Variants in TEX11 observed in about 807,000 individuals in gnomAD.
TEX11 encodes testis-expressed protein 11.
Under a neutral mutation model 84.4 loss-of-function variants are expected in TEX11, and 7 were observed. That is an observed-to-expected ratio of 0.08 (90% CI 0.05 to 0.16). The LOEUF (loss-of-function observed/expected upper bound fraction) is 0.16, where lower values mean the gene tolerates loss of function less well. Among genes scored for constraint, TEX11 ranks in the 10% least tolerant of loss-of-function variants. The pLI is 1.00. For missense variants in TEX11, 551 were observed against 660.5 expected, an observed-to-expected ratio of 0.83 and a Z score of 1.82; for synonymous variants, 264 against 222.8, an observed-to-expected ratio of 1.18 and a Z score of -1.64.
intron 11 of TEX11, among the ~76,000 whole-genome samples, chrX:70,733,642 A>T (rs1327146782): frequency 8.9e-6 from 1 of 111,980 alleles, no homozygotes; most frequent in Non-Finnish European, 1.9e-5. Flanking sequence ...ATCATTAAAA[A>T]GTCAGGAAAC....
chrX:70,723,056 C>T (rs1310224404), intron 12 of TEX11, among the ~76,000 whole-genome samples: 1 of 111,706 alleles, frequency 9.0e-6, no homozygotes, highest in Non-Finnish European at 1.9e-5. Context: ...CTCTCTATAC[C>T]TTAGTTTTGT....
At position 70,623,964 on chromosome X, in the gene TEX11, C is replaced by A. The variant is rs1169045883; in HGVS notation, c.1737G>T (p.Pro579=). The change falls in exon 20 of 30, where the codon CCG becomes CCT. Residue 579 remains proline, a synonymous_variant. Transcript: ENST00000374333. ...RFLLPKIAEM[P]ESEDKKKEMD... Reference sequence around the variant, plus strand: ...AAATAACTCACTTATCTTCAGATTCCGGCATTTCAGCAATTTTTGGAAGAA... The same window carrying A: ...AAATAACTCACTTATCTTCAGATTCAGGCATTTCAGCAATTTTTGGAAGAA... The A allele has an allele frequency of 1.7e-6, 2 of 1,202,996 alleles. No individual in the cohort carries two copies. The highest frequency in any genetic ancestry group is 2.2e-6 in the Non-Finnish European group (2 of 890,751).
At chrX:70,528,054 C>T (rs777167611), downstream of TEX11, among the ~76,000 whole-genome samples, 6 of 111,739 alleles carry the variant, frequency 5.4e-5, no homozygotes, top group African/African-American at 1.9e-4. Flanking sequence ...GAACATGGGG[C>T]TTGGCTTTTG....
intron 9 of TEX11, among the ~76,000 whole-genome samples, chrX:70,745,306 G>C (rs1020828233): frequency 1.8e-5 from 2 of 110,286 alleles, no homozygotes; most frequent in African/African-American, 6.6e-5. Flanking sequence ...TAGTTTCAAG[G>C]TTTCAAAACC....
intron 17 of TEX11, among the ~76,000 whole-genome samples, chrX:70,632,444 C>G (rs1156559008): frequency 9.0e-6 from 1 of 111,038 alleles, no homozygotes; most frequent in East Asian, 2.8e-4. Context: ...CCTATCTCTA[C>G]AAAAAAGTTT....
chrX:70,891,027 T>A (rs2091735310), intron 2 of TEX11, among the ~76,000 whole-genome samples: 1 of 111,796 alleles, frequency 8.9e-6, no homozygotes, highest in African/African-American at 3.2e-5. Context: ...AAGGCAGCAA[T>A]ATTTGCTGTT....
chrX:70,689,718 A>C lies in TEX11; in HGVS notation c.1005-6893T>G, dbSNP rs2090218429. Among the ~76,000 whole-genome samples, 6 of 112,199 alleles carry C rather than the reference A, an allele frequency of 5.3e-5. No individual in the cohort carries two copies. The East Asian group carries it at 1.7e-3, about 31-fold the overall frequency. On this transcript the variant is annotated intron_variant, in intron 13 of 29. Coordinates refer to ENST00000374333, the MANE Select transcript of TEX11 (RefSeq NM_031276.3). ...ATAAAAATGGTTGAACAAATTAACG[A>C]ATTAGGGAGAAGAGACAAATTTCCC...
chrX:70,635,314 A>G (rs777869518), intron 17 of TEX11, among the ~76,000 whole-genome samples: 13 of 112,387 alleles, frequency 1.2e-4, no homozygotes, highest in Non-Finnish European at 2.4e-4. Context: ...GACCACAACA[A>G]TGGGCTGGCG....
chrX:70,586,939 G>A (rs987570717), intron 25 of TEX11, among the ~76,000 whole-genome samples: 2 of 111,832 alleles, frequency 1.8e-5, no homozygotes, highest in Non-Finnish European at 3.8e-5. Context: ...ATAGTGATAT[G>A]AACAGTGAAG....
At chrX:70,784,023 A>C (rs750181211) in intron 9 of TEX11, among the ~76,000 whole-genome samples, 46 of 111,634 alleles carry the variant, frequency 4.1e-4, no homozygotes, top group Non-Finnish European at 7.9e-4. Context: ...GACACAACAA[A>C]AAAAAAGAGA....
At chrX:70,833,318 G>T (rs762018804) in intron 8 of TEX11, among the ~76,000 whole-genome samples, 195 bp downstream of exon 8, 3 of 107,294 alleles carry the variant, frequency 2.8e-5, no homozygotes, top group Non-Finnish European at 5.7e-5. Context: ...AGAAAAAAAA[G>T]AAATATTCCA....
intron 2 of TEX11, among the ~76,000 whole-genome samples, chrX:70,904,924 A>T (rs776652643): frequency 5.3e-5 from 6 of 112,743 alleles, no homozygotes; most frequent in Admixed American, 1.9e-4. Context: ...TTTTAATATG[A>T]CTACTAGAAA....
At chrX:70,885,618 G>C (rs924135978) in intron 2 of TEX11, among the ~76,000 whole-genome samples, 2 of 111,134 alleles carry the variant, frequency 1.8e-5, no homozygotes, top group Admixed American at 1.9e-4. Flanking sequence ...AAGGCCAGGC[G>C]CAGTGGCTTA....
At chrX:70,743,450 G>A (rs1052131957) in intron 10 of TEX11, among the ~76,000 whole-genome samples, 3 of 112,135 alleles carry the variant, frequency 2.7e-5, no homozygotes, top group Non-Finnish European at 5.6e-5. Flanking sequence ...ATAGAATGTA[G>A]TAATTTTACA....
intron 4 of TEX11, among the ~76,000 whole-genome samples, chrX:70,862,067 T>C (rs1023686928): frequency 6.7e-5 from 7 of 104,621 alleles, no homozygotes; most frequent in African/African-American, 2.6e-4. Flanking sequence ...CATAGCTCAC[T>C]GCAGCCTCAA....
chrX:70,694,836 C>T (rs1013772711), intron 13 of TEX11, among the ~76,000 whole-genome samples: 1 of 111,256 alleles, frequency 9.0e-6, no homozygotes, highest in Non-Finnish European at 1.9e-5. Flanking sequence ...AAAGGGGAAG[C>T]GGATAGGAGC....
intron 25 of TEX11, among the ~76,000 whole-genome samples, chrX:70,556,822 C>T (rs1242779415): frequency 9.0e-6 from 1 of 111,164 alleles, no homozygotes; most frequent in African/African-American, 3.3e-5. Context: ...AATCCATTTA[C>T]AATAGCATCA....
chrX:70,898,942 G>A (rs1448984119), intron 2 of TEX11, among the ~76,000 whole-genome samples: 2 of 111,758 alleles, frequency 1.8e-5, no homozygotes, highest in Non-Finnish European at 3.8e-5. Context: ...TGCATACCAG[G>A]TGGCATCAGT....
chrX:70,635,168 A>T (rs1265892183), intron 17 of TEX11, among the ~76,000 whole-genome samples: 2 of 112,178 alleles, frequency 1.8e-5, no homozygotes, highest in Non-Finnish European at 3.8e-5. Flanking sequence ...AATAGAAAAG[A>T]TGCATTGAAG....
Sources: gnomAD v4.1 joint callset for allele counts (sites outside exome capture counted in the v4.1 genomes callset) on GRCh38, gnomAD v4.1.1 for gene constraint, MANE v1.5 for transcripts, NCBI Gene and HGNC (gene_info 2026-07-23, HGNC 2026-07-21) for gene names.